Variants in SYTL5 observed in about 807,000 individuals in gnomAD.
SYTL5 encodes synaptotagmin-like protein 5.
SYTL5 carries 34 observed loss-of-function variants against 55.9 expected under a neutral mutation model. The observed-to-expected ratio is 0.61, with a 90% CI of 0.46 to 0.81. The LOEUF (loss-of-function observed/expected upper bound fraction) is 0.81, where lower values mean the gene tolerates loss of function less well. SYTL5 is among the 30% of genes least tolerant of loss of function. The pLI, the probability that SYTL5 is intolerant of heterozygous loss-of-function variation, is 0.00. For synonymous variants in SYTL5, 221 were observed against 188.7 expected (o/e 1.17, Z -1.40); for missense variants, 637 against 546.7 (o/e 1.17, Z -1.65).
intron 10 of SYTL5, 54 bp downstream of exon 10, chrX:38,102,488 C>A: frequency 1.2e-6 from 1 of 860,206 alleles, no homozygotes; most frequent in South Asian, 2.1e-5. Flanking sequence ...TTTTGATTTT[C>A]TGTGCATTTC....
At chrX:37,917,339 C>T in the SYTL5 span, among the ~76,000 whole-genome samples, 2 of 108,901 alleles carry the variant, frequency 1.8e-5, no homozygotes, top group Admixed American at 9.9e-5. Context: ...TTGTCTCTTC[C>T]TTCCTTCATT....
In SYTL5 at chrX:38,102,543, T is replaced by A. The variant is rs908778291; in HGVS notation, c.1155+109T>A. On this transcript the variant is annotated intron_variant, in intron 10 of 16. Transcript: ENST00000297875. ...CTTAGGAAAATGTGTGATAATGAGT[T>A]AAAAGTCATTGTAAGATCCTGCTTG... 20 of 543,558 alleles carry A rather than the reference T, an allele frequency of 3.7e-5. No individual in the cohort carries two copies. The Admixed American group carries it at 4.1e-4, about 11-fold the overall frequency. 44.8% of individuals were successfully genotyped at this position (543,558 alleles called of 1,213,427 possible).
At chrX:37,917,272 T>C in the SYTL5 span, among the ~76,000 whole-genome samples, 1 of 112,062 alleles carries the variant, frequency 8.9e-6, no homozygotes. Flanking sequence ...GGAATTATGT[T>C]CCACCTCCTT....
At chrX:38,089,386 C>G in intron 6 of SYTL5, 60 bp from the exon 7 acceptor site, 1 of 1,136,544 alleles carries the variant, frequency 8.8e-7, no homozygotes, top group Non-Finnish European at 1.2e-6. Flanking sequence ...TTTACTCTGC[C>G]TGTGTATTTG....
chrX:37,896,818 G>A, the SYTL5 span, among the ~76,000 whole-genome samples: 1 of 111,926 alleles, frequency 8.9e-6, no homozygotes, highest in African/African-American at 3.2e-5. Flanking sequence ...ACAGAATAAT[G>A]AGCTGAATAA....
chrX:38,098,772 G>T (rs1287082785), intron 9 of SYTL5, among the ~76,000 whole-genome samples: 1 of 110,614 alleles, frequency 9.0e-6, no homozygotes, highest in Admixed American at 9.6e-5. Flanking sequence ...GCCAAAAAGT[G>T]AAAATAATAA....
intron 6 of SYTL5, among the ~76,000 whole-genome samples, chrX:38,085,736 C>T (rs1174796883): frequency 8.9e-6 from 1 of 111,796 alleles, no homozygotes; most frequent in African/African-American, 3.3e-5. Context: ...AGGCTCAACA[C>T]TATCAGCCAC....
the SYTL5 span, among the ~76,000 whole-genome samples, chrX:37,989,360 T>C: frequency 9.0e-6 from 1 of 111,545 alleles, no homozygotes; most frequent in Non-Finnish European, 1.9e-5. Flanking sequence ...AAGGGACAAA[T>C]AGAGGAAGAA....
intron 13 of SYTL5, among the ~76,000 whole-genome samples, chrX:38,118,983 A>C (rs1342238820): frequency 9.6e-6 from 1 of 104,305 alleles, no homozygotes; most frequent in Non-Finnish European, 1.9e-5. Flanking sequence ...GTACGCATAT[A>C]CATATATATG....
At chrX:37,953,231 T>C in the SYTL5 span, among the ~76,000 whole-genome samples, 1 of 111,606 alleles carries the variant, frequency 9.0e-6, no homozygotes. Context: ...TGATATAGAC[T>C]TGGGAGTTAT....
chrX:37,992,260 T>A, the SYTL5 span, among the ~76,000 whole-genome samples: 7 of 112,674 alleles, frequency 6.2e-5, no homozygotes, highest in African/African-American at 2.3e-4. Flanking sequence ...AAAAGAGGTG[T>A]CACATCAAGT....
At chrX:38,064,896 T>C (rs909126112) in intron 3 of SYTL5, among the ~76,000 whole-genome samples, 4 of 111,554 alleles carry the variant, frequency 3.6e-5, no homozygotes, top group African/African-American at 1.3e-4. Flanking sequence ...TCTTAAATTA[T>C]AGAGTTTAGT....
rs965537028 is a variant in SYTL5 at position 38,127,010 on chromosome X, C to T, written c.*280C>T. On this transcript the variant is annotated 3_prime_UTR_variant, in exon 17 of 17. Transcript: ENST00000297875. ...TGTGCAAAGGCTTATAGGGTTTATG[C>T]CATAAAAGAAATGGCACAAGCCTCC... is the stretch of plus-strand genomic sequence containing the variant. 4.2e-6 allele frequency: 1 copy of T among 237,455 alleles called. No homozygotes were observed. Among genetic ancestry groups the T allele is most frequent in the Admixed American group, 6.5e-5 (1 of 15,329 alleles). The allele number at this position is 237,455 out of a possible 1,213,427, so 19.6% of individuals were successfully genotyped here.
In SYTL5 at chrX:38,127,349, C is replaced by T. The variant is rs2147740933; in HGVS notation, c.*619C>T. On this transcript the variant is annotated 3_prime_UTR_variant, in exon 17 of 17. Transcript: ENST00000297875. Reference sequence around the variant, plus strand: ...TAGAACAAAGAGAGCTAAATAACTACATCAGAACGATTGATGTTGATTAGA... The same window carrying T: ...TAGAACAAAGAGAGCTAAATAACTATATCAGAACGATTGATGTTGATTAGA... The T allele has an allele frequency of 8.9e-6, 1 of 112,158 alleles. No homozygotes were observed. Among genetic ancestry groups the T allele is most frequent in the Admixed American group, 9.4e-5 (1 of 10,617 alleles). 9.2% of individuals were successfully genotyped at this position (112,158 alleles called of 1,213,427 possible).
the SYTL5 span, among the ~76,000 whole-genome samples, chrX:37,968,480 T>C: frequency 9.0e-6 from 1 of 111,396 alleles, no homozygotes; most frequent in Non-Finnish European, 1.9e-5. Context: ...TGATAAGGCT[T>C]CTTAAATAGT....
the SYTL5 span, among the ~76,000 whole-genome samples, chrX:37,935,691 TTAAGA>T: frequency 1.8e-5 from 2 of 112,081 alleles, no homozygotes; most frequent in Non-Finnish European, 3.8e-5. Context: ...TTGTTTTAAG[TTAAGA>T]TGTTAATTGT....
In SYTL5 at chrX:38,128,526, C is replaced by T. The variant is rs982765537; in HGVS notation, c.*1796C>T. ...GCTAGAATCATCTTCGGGCTTATTC[C>T]TGCTAGTTGTTCCATATTTCTAGAT... On this transcript the variant is annotated 3_prime_UTR_variant, in exon 17 of 17. Coordinates refer to ENST00000297875, the MANE Select transcript of SYTL5 (RefSeq NM_138780.3). 1 of 111,432 alleles carries T rather than the reference C, an allele frequency of 9.0e-6. No individual in the cohort carries two copies. The highest frequency in any genetic ancestry group is 1.9e-5 in the Non-Finnish European group (1 of 53,086). The allele number at this position is 111,432 out of a possible 1,213,427, so 9.2% of individuals were successfully genotyped here.
At chrX:37,958,560 T>C in the SYTL5 span, among the ~76,000 whole-genome samples, 1 of 111,720 alleles carries the variant, frequency 9.0e-6, no homozygotes, top group Non-Finnish European at 1.9e-5. Flanking sequence ...CATCGAACCA[T>C]AGCATTCTGC....
rs1602389710 is a variant in SYTL5, at chrX:38,094,446, A to G, written c.961+22A>G. The G allele has an allele frequency of 1.4e-5, 16 of 1,175,981 alleles. No individual in the cohort carries two copies. In the East Asian group the frequency reaches 4.8e-4, roughly 35 times the overall value. On this transcript the variant is annotated intron_variant, in intron 8 of 16. Coordinates refer to ENST00000297875, the MANE Select transcript of SYTL5 (RefSeq NM_138780.3). ...TCAGGTGGGTATTTACAATGTGCCTACTTTGTTGTTTAAAATGACTAAATC... is the reference window on the plus strand; with the variant it reads ...TCAGGTGGGTATTTACAATGTGCCTGCTTTGTTGTTTAAAATGACTAAATC...
Sources: allele counts gnomAD v4.1 joint callset (sites outside exome capture counted in the v4.1 genomes callset), GRCh38; gene constraint gnomAD v4.1.1; transcripts MANE v1.5; gene names NCBI Gene and HGNC (gene_info 2026-07-23, HGNC 2026-07-21).